Variants in CELF5 observed in about 807,000 individuals in gnomAD.
CELF5 encodes the protein CUGBP Elav-like family member 5.
A neutral mutation model predicts 54.9 loss-of-function variants in CELF5; 6 were observed. The ratio of observed to expected loss-of-function variants is 0.11; its 90% CI spans 0.06 to 0.22. The LOEUF (loss-of-function observed/expected upper bound fraction) is 0.22. Ranked by LOEUF, CELF5 falls within the 10% of genes least tolerant of loss-of-function variation. The pLI, the probability that CELF5 is intolerant of heterozygous loss-of-function variation, is 1.00. For missense variants in CELF5, 401 were observed against 678.6 expected (o/e 0.59, Z 4.54); for synonymous variants, 271 against 290.9 (o/e 0.93, Z 0.70).
At chr19:3,279,363 A>G (rs554258013) in intron 5 of CELF5, among the ~76,000 whole-genome samples, 1 of 152,250 alleles carries the variant, frequency 6.6e-6, no homozygotes, top group East Asian at 1.9e-4. Flanking sequence ...TCCTGCACCC[A>G]CATCTCCGAA....
chr19:3,278,038 T>C lies in CELF5; in HGVS notation c.531T>C (p.Ala177=). 1 of 1,613,916 alleles carries C rather than the reference T, an allele frequency of 6.2e-7. No homozygotes were observed. The highest frequency in any genetic ancestry group is 8.5e-7 in the Non-Finnish European group (1 of 1,179,938). Residue 177 remains alanine (A), a synonymous_variant, in exon 5 of 13, where the codon GCT becomes GCC. Transcript: ENST00000292672. The surrounding 1 kb of genome is among the most constrained non-coding windows in gnomAD (Gnocchi z 4.5). The stretch of plus-strand genomic sequence containing the variant: ...CTTCTTCTCTTGGAGCAGGCTGTGC[T>C]TTCGTGAAGTTCTCCTCCCACACGG... ...RGPDGSSKGC[A]FVKFSSHTEA...
chr19:3,254,051 G>C (rs992748167), intron 2 of CELF5, among the ~76,000 whole-genome samples: 1 of 152,158 alleles, frequency 6.6e-6, no homozygotes, highest in African/African-American at 2.4e-5. Flanking sequence ...TCTGTTGGCA[G>C]CCAGGAGGGA....
In CELF5 at chr19:3,248,868, TCC is replaced by T. The variant is rs2079604819; in HGVS notation, c.260-2116_260-2115del. Among the ~76,000 whole-genome samples, 3 of 102,960 alleles carry T rather than the reference TCC, an allele frequency of 2.9e-5. No individual in the cohort carries two copies. The South Asian group carries it at 1.1e-3, about 38-fold the overall frequency. 67.5% of individuals were successfully genotyped at this position (102,960 alleles called of 152,430 possible). A position where few individuals can be genotyped will look rare whatever the true frequency, so the allele number is the denominator to read the frequency against. ...TTTCTTTCTTTCTTCCTTCCTTCCT[TCC>T]TTCCTTCCTTCCTTCCTTCCTTCCT... On this transcript the variant is annotated intron_variant, in intron 1 of 12. Coordinates refer to ENST00000292672, the MANE Select transcript of CELF5 (RefSeq NM_021938.4).
chr19:3,285,006 C>CCCCCGCCCAGGGCCCCGA, intron 9 of CELF5, 42 bp downstream of exon 9: 1 of 1,505,300 alleles, frequency 6.6e-7, no homozygotes, highest in Non-Finnish European at 9.1e-7. Flanking sequence ...CCTGGCCCCG[C>CCCCCGCCCAGGGCCCCGA]CCCCGCCTAG....
intron 1 of CELF5, among the ~76,000 whole-genome samples, chr19:3,243,233 T>A (rs2079517270): frequency 6.6e-6 from 1 of 152,148 alleles, no homozygotes; most frequent in South Asian, 2.1e-4. Flanking sequence ...GTTTTTTAAT[T>A]TTTTTCTGAG....
chr19:3,278,308 G>A lies in CELF5; in HGVS notation c.603+198G>A, dbSNP rs545324315. On this transcript the variant is annotated intron_variant, in intron 5 of 12. Coordinates refer to ENST00000292672, the MANE Select transcript of CELF5 (RefSeq NM_021938.4). The surrounding 1 kb of genome is among the most constrained non-coding windows in gnomAD (Gnocchi z 4.5). ...GGGTATACACGTGTGAGTGTGTGCA[G>A]ATGTGGAGGTGAGTAGGCAAGCGAA... Among the ~76,000 whole-genome samples, 23 of 152,254 alleles carry A rather than the reference G, an allele frequency of 1.5e-4. No homozygotes were observed. In the South Asian group the frequency reaches 3.1e-3, roughly 21 times the overall value.
chr19:3,251,996 C>T (rs10412307), intron 2 of CELF5, among the ~76,000 whole-genome samples: 30,250 of 151,420 alleles, frequency 0.2, 3,453 homozygotes, highest in East Asian at 0.54. Context: ...TTCTTCATCA[C>T]AATTTCTGTC....
intron 1 of CELF5, among the ~76,000 whole-genome samples, chr19:3,241,456 G>C (rs1263951824): frequency 1.3e-5 from 2 of 152,004 alleles, no homozygotes; most frequent in Non-Finnish European, 2.9e-5. Context: ...CTGAACCATT[G>C]ATCCCAGGTG....
Position 3,293,301 on chromosome 19 carries a change from CCA to C in CELF5, c.1331-16_1331-15del. ...CACCCGCAGCGCCAACCACGGAGGT[CCA>C]CCCTGGTTTCTGCAGGCTTCGTGAG... On this transcript the variant is annotated splice_polypyrimidine_tract_variant and intron_variant, in intron 11 of 12. Coordinates refer to ENST00000292672, the MANE Select transcript of CELF5 (RefSeq NM_021938.4). 6.8e-6 allele frequency: 11 copies of C among 1,613,842 alleles called. No homozygotes were observed. Among genetic ancestry groups the C allele is most frequent in the Non-Finnish European group, 9.3e-6 (11 of 1,179,848 alleles).
intron 11 of CELF5, among the ~76,000 whole-genome samples, chr19:3,290,953 G>A (rs2080336290): frequency 6.6e-6 from 1 of 151,300 alleles, no homozygotes; most frequent in African/African-American, 2.4e-5. Context: ...GAGACCCCGT[G>A]TTTACAAAAG....
chr19:3,233,023 G>A (rs1460776500), intron 1 of CELF5, among the ~76,000 whole-genome samples: 3 of 151,572 alleles, frequency 2.0e-5, no homozygotes, highest in Admixed American at 6.6e-5. Context: ...GTGGTGAGCT[G>A]AGATCATGCC....
intron 12 of CELF5, chr19:3,296,349 A>ACC (rs1169289324): frequency 2.0e-5 from 3 of 148,994 alleles, no homozygotes; most frequent in Non-Finnish European, 4.5e-5. Flanking sequence ...AAAAAAAAAA[A>ACC]AAAAAACCAA....
At chr19:3,276,514 TA>T (rs1422580648) in intron 4 of CELF5, among the ~76,000 whole-genome samples, 1 of 46,726 alleles carries the variant, frequency 2.1e-5, no homozygotes, top group Non-Finnish European at 4.2e-5. Flanking sequence ...GCTGAGCATA[TA>T]GGGGGTGGGG....
intron 2 of CELF5, among the ~76,000 whole-genome samples, chr19:3,266,718 C>T (rs767333740): frequency 1.3e-3 from 196 of 152,318 alleles, no homozygotes; most frequent in African/African-American, 4.6e-3. Flanking sequence ...AGACCTGTGG[C>T]GTGTGCCACC....
intron 2 of CELF5, among the ~76,000 whole-genome samples, chr19:3,251,427 G>A (rs893334439): frequency 2.0e-5 from 3 of 152,076 alleles, no homozygotes; most frequent in South Asian, 2.1e-4. Context: ...CATGCCTGAC[G>A]TGTTGGAGGA....
intron 10 of CELF5, chr19:3,286,597 G>C (rs970398499): frequency 6.6e-6 from 1 of 152,506 alleles, no homozygotes; most frequent in African/African-American, 2.4e-5. Context: ...GCCAGGTGTA[G>C]TGGTGTGCAC....
chr19:3,229,631 A>G (rs1455280323), intron 1 of CELF5, among the ~76,000 whole-genome samples: 2 of 152,216 alleles, frequency 1.3e-5, no homozygotes, highest in African/African-American at 4.8e-5. Flanking sequence ...TTCCCGTTTC[A>G]GAGGAAATGA....
At chr19:3,291,736 C>T (rs2145319948) in intron 11 of CELF5, among the ~76,000 whole-genome samples, 1 of 146,722 alleles carries the variant, frequency 6.8e-6, no homozygotes, top group African/African-American at 2.5e-5. Context: ...GTGGCTGGAG[C>T]AGAGTGAGGA....
chr19:3,290,878 T>A lies in CELF5; in HGVS notation c.1330+504T>A, dbSNP rs373820126. ...ACTGCGCCTGGCCAATCCCAGCACT[T>A]TGAGAGGCTGAGGTGGGCGGATTGC... On this transcript the variant is annotated intron_variant, in intron 11 of 12. Coordinates refer to ENST00000292672, the MANE Select transcript of CELF5 (RefSeq NM_021938.4). Among the ~76,000 whole-genome samples, 208 of 151,560 alleles carry A rather than the reference T, an allele frequency of 1.4e-3. 1 individual carries two copies. Among genetic ancestry groups the A allele is most frequent in the African/African-American group, 4.8e-3 (200 of 41,408 alleles).
Sources: allele counts gnomAD v4.1 joint callset (sites outside exome capture counted in the v4.1 genomes callset), GRCh38; gene constraint gnomAD v4.1.1; non-coding constraint Gnocchi (gnomAD v3.1); transcripts MANE v1.5; gene names NCBI Gene and HGNC (gene_info 2026-07-23, HGNC 2026-07-21).